IMMP2L: variants seen among roughly 807,000 people sequenced by gnomAD.
IMMP2L encodes mitochondrial inner membrane protease subunit 2.
Under a neutral mutation model 19.3 loss-of-function variants are expected in IMMP2L, and 18 were observed. The ratio of observed to expected loss-of-function variants is 0.93; its 90% confidence interval spans 0.64 to 1.38. The LOEUF (loss-of-function observed/expected upper bound fraction) is 1.38, where lower values mean the gene tolerates loss of function less well. IMMP2L is among the 40% of genes most tolerant of loss of function. The pLI, the probability that IMMP2L is intolerant of heterozygous loss-of-function variation, is 0.00. For synonymous variants in IMMP2L, 76 were observed against 73.0 expected (o/e 1.04, Z -0.21); for missense variants, 233 against 218.2 (o/e 1.07, Z -0.43).
At chr7:111,108,442 A>AC (rs1798796061) in intron 3 of IMMP2L, among the ~76,000 whole-genome samples, 1 of 152,076 alleles carries the variant, frequency 6.6e-6, no homozygotes, top group Non-Finnish European at 1.5e-5. Flanking sequence ...TATATATTAT[A>AC]CCCCCACTAC....
At chr7:110,769,659 A>G (rs998247534) in intron 5 of IMMP2L, among the ~76,000 whole-genome samples, 1 of 152,176 alleles carries the variant, frequency 6.6e-6, no homozygotes, top group Non-Finnish European at 1.5e-5. Flanking sequence ...TCATTTATCC[A>G]TGCTATTCTG....
At chr7:111,201,608 T>C (rs1810132170) in intron 3 of IMMP2L, among the ~76,000 whole-genome samples, 1 of 151,674 alleles carries the variant, frequency 6.6e-6, no homozygotes, top group Non-Finnish European at 1.5e-5. Flanking sequence ...TCCCAGCTAC[T>C]CAGTAAGTGA....
At chr7:111,382,632 G>A (rs1256680134) in intron 3 of IMMP2L, among the ~76,000 whole-genome samples, 2 of 152,080 alleles carry the variant, frequency 1.3e-5, no homozygotes, top group African/African-American at 4.8e-5. Flanking sequence ...GCTCAGAAAA[G>A]CAATCAGTAC....
intron 2 of IMMP2L, among the ~76,000 whole-genome samples, chr7:111,493,398 C>T (rs1843273739): frequency 1.3e-5 from 2 of 152,082 alleles, no homozygotes; most frequent in African/African-American, 2.4e-5. Context: ...AAAACAAAAG[C>T]TTTATTAAAA....
At chr7:111,178,577 C>T (rs1807341884) in intron 3 of IMMP2L, among the ~76,000 whole-genome samples, 1 of 152,050 alleles carries the variant, frequency 6.6e-6, no homozygotes, top group Admixed American at 6.6e-5. Context: ...CCTCTCAAAC[C>T]CTGTCACTGC....
At chr7:110,752,643 C>T (rs944747386) in intron 5 of IMMP2L, among the ~76,000 whole-genome samples, 1 of 152,022 alleles carries the variant, frequency 6.6e-6, no homozygotes, top group African/African-American at 2.4e-5. Flanking sequence ...CTCTGATACA[C>T]ATCTCCTACT....
chr7:111,011,802 C>T (rs1441722069), intron 3 of IMMP2L, among the ~76,000 whole-genome samples: 1 of 152,184 alleles, frequency 6.6e-6, no homozygotes, highest in African/African-American at 2.4e-5. Flanking sequence ...AATCAATTCT[C>T]ACCAGGAAGA....
rs1283073529 is a variant in IMMP2L, at chr7:111,451,325, A to G, written c.239+35913T>C. ...TTGGAACCAACCCAAATGTCCAAGA[A>G]TGATAGACTAGATTAAGAAAATGTG... On this transcript the variant is annotated intron_variant, in intron 3 of 5. Coordinates refer to ENST00000405709, the MANE Select transcript of IMMP2L (RefSeq NM_032549.4). Among the ~76,000 whole-genome samples the G allele has an allele frequency of 4.0e-5, 6 of 151,554 alleles. No homozygotes were observed. In the South Asian group the frequency reaches 1.0e-3, roughly 26 times the overall value.
intron 5 of IMMP2L, among the ~76,000 whole-genome samples, chr7:110,845,535 T>C (rs1805574024): frequency 6.6e-6 from 1 of 152,168 alleles, no homozygotes; most frequent in African/African-American, 2.4e-5. Flanking sequence ...ATCAGCTATA[T>C]TTACACTAGT....
chr7:110,781,059 C>T (rs1161434300), intron 5 of IMMP2L, among the ~76,000 whole-genome samples: 2 of 151,910 alleles, frequency 1.3e-5, no homozygotes, highest in East Asian at 3.9e-4. Flanking sequence ...AACCTTGAAA[C>T]ATTTAAGGAT....
intron 5 of IMMP2L, among the ~76,000 whole-genome samples, chr7:110,846,674 G>A (rs1486888078): frequency 6.6e-6 from 1 of 151,950 alleles, no homozygotes; most frequent in Non-Finnish European, 1.5e-5. Flanking sequence ...CTCAAACCCT[G>A]ATTTCTAATT....
At chr7:111,030,876 G>A (rs1790702707) in intron 3 of IMMP2L, among the ~76,000 whole-genome samples, 1 of 20,032 alleles carries the variant, frequency 5.0e-5, no homozygotes, top group Non-Finnish European at 1.1e-4. Context: ...GTATGTGTGT[G>A]TGTGTGTGTA....
chr7:111,338,205 C>G (rs1826644408), intron 3 of IMMP2L, among the ~76,000 whole-genome samples: 1 of 152,044 alleles, frequency 6.6e-6, no homozygotes, highest in Non-Finnish European at 1.5e-5. Flanking sequence ...AAGATGAGAT[C>G]AGTTTAACAG....
At position 110,825,077 on chromosome 7, in the gene IMMP2L, T is replaced by C. The variant is rs571509307; in HGVS notation, c.408+61516A>G. Among the ~76,000 whole-genome samples, 9 of 152,214 alleles carry C rather than the reference T, an allele frequency of 5.9e-5. No homozygotes were observed. The South Asian group carries it at 1.9e-3, about 32-fold the overall frequency. ...AAATAGCCGAATCATGAGTGAACTC[T>C]CATTCACAATTGCTTCAAAGAGAAT... On this transcript the variant is annotated intron_variant, in intron 5 of 5. Coordinates refer to ENST00000405709, the MANE Select transcript of IMMP2L (RefSeq NM_032549.4).
intron 5 of IMMP2L, among the ~76,000 whole-genome samples, chr7:110,715,921 G>C (rs1795206776): frequency 6.6e-6 from 1 of 152,062 alleles, no homozygotes; most frequent in Non-Finnish European, 1.5e-5. Context: ...AGAAGTAGTT[G>C]TTTTATGAAT....
chr7:111,011,587 T>C (rs1824961948), intron 3 of IMMP2L, among the ~76,000 whole-genome samples: 2 of 152,262 alleles, frequency 1.3e-5, no homozygotes, highest in Admixed American at 1.3e-4. Context: ...GATCATTTCT[T>C]ATAGCTGAGT....
chr7:111,076,816 C>G (rs143694049), intron 3 of IMMP2L, among the ~76,000 whole-genome samples: 2 of 152,226 alleles, frequency 1.3e-5, no homozygotes, highest in Admixed American at 1.3e-4. Flanking sequence ...CACAAGGGTA[C>G]GTCAGAATAC....
chr7:111,419,355 GA>G (rs1835264383), intron 3 of IMMP2L, among the ~76,000 whole-genome samples: 1 of 151,522 alleles, frequency 6.6e-6, no homozygotes, highest in Non-Finnish European at 1.5e-5. Flanking sequence ...TTAAAAGGAA[GA>G]AAAAATTTCT....
intron 3 of IMMP2L, among the ~76,000 whole-genome samples, chr7:111,085,332 A>G (rs1796224975): frequency 6.6e-6 from 1 of 152,210 alleles, no homozygotes; most frequent in Non-Finnish European, 1.5e-5. Context: ...ACTGTCTTCC[A>G]AAGCAGTTGA....
Sources: allele counts gnomAD v4.1 joint callset (sites outside exome capture counted in the v4.1 genomes callset), GRCh38; gene constraint gnomAD v4.1.1; transcripts MANE v1.5; gene names NCBI Gene and HGNC (gene_info 2026-07-23, HGNC 2026-07-21).